The following KIF17 variants were observed in gnomAD, a reference collection of about 807,000 sequenced individuals.
KIF17 encodes the protein kinesin-like protein KIF17.
Under a neutral mutation model 96.8 loss-of-function variants are expected in KIF17, and 80 were observed. The ratio of observed to expected loss-of-function variants is 0.83; its 90% CI spans 0.69 to 1.00. The LOEUF is 1.00. KIF17 is among the 50% of genes least tolerant of loss of function. The pLI, the probability that KIF17 is intolerant of heterozygous loss-of-function variation, is 0.00. For synonymous variants in KIF17, 567 were observed against 587.5 expected, an observed-to-expected ratio of 0.97 and a Z score of 0.51; for missense variants, 1,280 against 1,372.9, an observed-to-expected ratio of 0.93 and a Z score of 1.07.
At chr1:20,715,663 C>T in intron 1 of KIF17, 24 bp from the exon 2 acceptor site, 1 of 1,613,608 alleles carries the variant, frequency 6.2e-7, no homozygotes, top group Non-Finnish European at 8.5e-7. Context: ...AGGCAGGACC[C>T]CGTGCTCAGT....
chr1:20,663,325 A>T (rs1378097215), downstream of KIF17, among the ~76,000 whole-genome samples: 2 of 152,140 alleles, frequency 1.3e-5, no homozygotes, highest in African/African-American at 4.8e-5. Flanking sequence ...TAGTTGTCTA[A>T]ACACCCCCAC....
chr1:20,684,698 A>G, intron 10 of KIF17, 111 bp downstream of exon 10: 2 of 1,135,982 alleles, frequency 1.8e-6, no homozygotes, highest in Non-Finnish European at 2.5e-6. Flanking sequence ...CGCCCTGCCA[A>G]GTTAGAAGGG....
chr1:20,713,825 GA>G (rs1255668963), intron 2 of KIF17, among the ~76,000 whole-genome samples: 4 of 152,028 alleles, frequency 2.6e-5, no homozygotes, highest in Non-Finnish European at 5.9e-5. Flanking sequence ...CATGGGAAAG[GA>G]AACAGAGGCC....
At chr1:20,696,301 A>G (rs1487173891) in intron 6 of KIF17, among the ~76,000 whole-genome samples, 1 of 152,176 alleles carries the variant, frequency 6.6e-6, no homozygotes, top group Non-Finnish European at 1.5e-5. Flanking sequence ...CAGGTGCTCA[A>G]TAAATATGAG....
Position 20,698,636 on chromosome 1 carries a change from CTG to C in KIF17, c.1124-150_1124-149del. ...TTCAAACACATCTCCATGTAAAAGG[CTG>C]TTAGTCATCCAACAAATATTTATGG... On this transcript the variant is annotated intron_variant, in intron 5 of 14. Coordinates refer to ENST00000400463, the MANE Select transcript of KIF17 (RefSeq NM_001122819.3). The C allele has an allele frequency of 4.9e-6, 3 of 615,702 alleles. 1 individual carries two copies. The South Asian group carries it at 5.6e-5, about 12-fold the overall frequency. 38.1% of individuals were successfully genotyped at this position (615,702 alleles called of 1,614,324 possible).
At chr1:20,665,394 AT>A (rs33986427) in intron 14 of KIF17, among the ~76,000 whole-genome samples, 912 of 80,870 alleles carry the variant, frequency 0.011, 6 homozygotes, top group African/African-American at 0.036. Flanking sequence ...TACCCAGCTA[AT>A]TTTTTTTTTT....
chr1:20,699,278 T>C lies in KIF17; in HGVS notation c.1124-790A>G, dbSNP rs1334335456. On this transcript the variant is annotated intron_variant, in intron 5 of 14. Transcript: ENST00000400463. This position sits in a 1 kb window ranked among gnomAD's most constrained non-coding sequence, Gnocchi z 4.3. ...TTGCCATTTAAATAGTGTGTTAGGC[T>C]GGGCACAGTGTCTCATGTCTGTAAC... Among the ~76,000 whole-genome samples the C allele has an allele frequency of 6.6e-6, 1 of 152,162 alleles. No individual in the cohort carries two copies. Among genetic ancestry groups the C allele is most frequent in the Non-Finnish European group, 1.5e-5 (1 of 68,036 alleles).
downstream of KIF17, among the ~76,000 whole-genome samples, chr1:20,662,665 C>T (rs915136884): frequency 9.9e-5 from 15 of 152,176 alleles, no homozygotes; most frequent in African/African-American, 3.6e-4. Flanking sequence ...ACAGGGACAC[C>T]CCAAGGCTCT....
At chr1:20,702,843 T>G (rs2054261570) in intron 5 of KIF17, among the ~76,000 whole-genome samples, 1 of 152,182 alleles carries the variant, frequency 6.6e-6, no homozygotes, top group South Asian at 2.1e-4. Flanking sequence ...AGAGTGTGTC[T>G]CGTTGCATGT....
downstream of KIF17, among the ~76,000 whole-genome samples, chr1:20,663,750 C>G (rs2053476616): frequency 6.6e-6 from 1 of 152,220 alleles, no homozygotes; most frequent in Non-Finnish European, 1.5e-5. Flanking sequence ...AAAAGCTGGG[C>G]CCTTTTCTGG....
intron 11 of KIF17, among the ~76,000 whole-genome samples, chr1:20,682,181 A>G (rs1184954826): frequency 6.6e-6 from 1 of 152,000 alleles, no homozygotes; most frequent in Non-Finnish European, 1.5e-5. Flanking sequence ...CACACATACA[A>G]CATACCCGCA....
chr1:20,668,995 C>G (rs1456235705), intron 13 of KIF17, among the ~76,000 whole-genome samples: 2 of 152,142 alleles, frequency 1.3e-5, no homozygotes, highest in Non-Finnish European at 2.9e-5. Context: ...GGCCCAGACA[C>G]AAGGACACCA....
At chr1:20,707,591 C>T (rs12118408) in intron 4 of KIF17, among the ~76,000 whole-genome samples, 59,636 of 151,564 alleles carry the variant, frequency 0.39, 14,459 homozygotes, top group Non-Finnish European at 0.55. Context: ...GGCAACATGG[C>T]GAGATCCTGT....
chr1:20,688,250 A>G (rs2053976246), intron 7 of KIF17, among the ~76,000 whole-genome samples: 1 of 151,816 alleles, frequency 6.6e-6, no homozygotes, highest in Non-Finnish European at 1.5e-5. Flanking sequence ...GGGTTTCACC[A>G]TGTTAGCCAG....
chr1:20,673,795 T>A (rs2053690542), intron 11 of KIF17, among the ~76,000 whole-genome samples: 1 of 152,002 alleles, frequency 6.6e-6, no homozygotes, highest in African/African-American at 2.4e-5. Context: ...CCTCCCAAAG[T>A]GTTGGGATTA....
chr1:20,664,929 G>A (rs914756596), intron 14 of KIF17, among the ~76,000 whole-genome samples, 167 bp from the exon 15 acceptor site: 3 of 152,146 alleles, frequency 2.0e-5, no homozygotes, highest in Non-Finnish European at 2.9e-5. Context: ...AGGCTGCTCT[G>A]GCTGAGGTCT....
chr1:20,690,176 A>AG lies in KIF17; in HGVS notation c.1381+11dup, dbSNP rs1314184421. 4 of 1,614,004 alleles carry AG rather than the reference A, an allele frequency of 2.5e-6. No individual in the cohort carries two copies. Among genetic ancestry groups the AG allele is most frequent in the Non-Finnish European group, 3.4e-6 (4 of 1,180,000 alleles). On this transcript the variant is annotated intron_variant, in intron 7 of 14. Coordinates refer to ENST00000400463, the MANE Select transcript of KIF17 (RefSeq NM_001122819.3). ...TCCCTGGAGACAGCCTCGGGGGGCA[A>AG]GGGGTGCCCACCTGTCTCCTTCCGC...
Position 20,682,737 on chromosome 1 carries a change from C to T in KIF17, c.2379G>A (p.Gly793=), listed in dbSNP as rs749604072. The T allele has an allele frequency of 6.2e-7, 1 of 1,613,614 alleles. No individual in the cohort carries two copies. The part of the protein sequence containing the change: ...AALQNSDEDS[G]DWVLLNVYDS... ...CGTAGACGTTAAGCAGCACCCAGTC[C>T]CCGCTGTCCTCATCCGAGTTCTGCA... Residue 793 remains glycine (G), a synonymous_variant, in exon 11 of 15, where the codon GGG becomes GGA. Coordinates refer to ENST00000400463, the MANE Select transcript of KIF17 (RefSeq NM_001122819.3).
At chr1:20,678,025 A>G (rs2053768263) in intron 11 of KIF17, among the ~76,000 whole-genome samples, 1 of 152,240 alleles carries the variant, frequency 6.6e-6, no homozygotes, top group South Asian at 2.1e-4. Context: ...GTCTGTTTTT[A>G]CAATGCTCAT....
Sources: allele counts gnomAD v4.1 joint callset (sites outside exome capture counted in the v4.1 genomes callset), GRCh38; gene constraint gnomAD v4.1.1; non-coding constraint Gnocchi (gnomAD v3.1); transcripts MANE v1.5; gene names NCBI Gene and HGNC (gene_info 2026-07-23, HGNC 2026-07-21).